The following DRC1 variants were observed in gnomAD, a reference collection of about 807,000 sequenced individuals.
DRC1 encodes dynein regulatory complex protein 1.
A neutral mutation model predicts 98.7 loss-of-function variants in DRC1; 74 were observed. That is an observed-to-expected ratio of 0.75 (90% CI 0.62 to 0.91). DRC1 has a LOEUF of 0.91. Ranked by LOEUF, DRC1 falls within the 40% of genes least tolerant of loss-of-function variation. The pLI, the probability that DRC1 is intolerant of heterozygous loss-of-function variation, is 0.00. For synonymous variants in DRC1, 336 were observed against 334.1 expected (o/e 1.01, Z -0.06); for missense variants, 875 against 886.0 (o/e 0.99, Z 0.16).
chr2:26,421,417 T>C lies in DRC1; in HGVS notation c.356+17T>C. 6.2e-7 allele frequency: 1 copy of C among 1,606,564 alleles called. No homozygotes were observed. The highest frequency in any genetic ancestry group is 8.5e-7 in the Non-Finnish European group (1 of 1,174,460). ...GCGTCAAAGGTAAGGACTGTGCTAC[T>C]CTGCAGCTGGTGGACATGAAGGTAA... is the stretch of plus-strand genomic sequence containing the variant. On this transcript the variant is annotated intron_variant, in intron 3 of 16. Coordinates refer to ENST00000288710, the MANE Select transcript of DRC1 (RefSeq NM_145038.5).
At chr2:26,427,111 CATTTA>C (rs891488428) in intron 4 of DRC1, among the ~76,000 whole-genome samples, 1 of 151,822 alleles carries the variant, frequency 6.6e-6, no homozygotes, top group Non-Finnish European at 1.5e-5. Flanking sequence ...ATTTTTTAAA[CATTTA>C]ATTTAATTTA....
intron 13 of DRC1, 87 bp downstream of exon 13, chr2:26,450,768 T>C (rs1159250132): frequency 5.7e-5 from 68 of 1,186,992 alleles, no homozygotes; most frequent in Middle Eastern, 3.1e-4. Flanking sequence ...CTGGGTTACA[T>C]GTGCAGAACA....
chr2:26,456,399 A>G, intron 16 of DRC1, 62 bp from the exon 17 acceptor site: 10 of 1,608,144 alleles, frequency 6.2e-6, no homozygotes. Context: ...CGTGGCTCGC[A>G]AGGGTGGCAA....
chr2:26,406,310 G>A (rs752532433), intron 1 of DRC1, among the ~76,000 whole-genome samples: 1 of 152,192 alleles, frequency 6.6e-6, no homozygotes. Flanking sequence ...TATAGGCAGT[G>A]CACCCACCCC....
intron 2 of DRC1, 122 bp downstream of exon 2, chr2:26,414,553 T>C (rs1341219125): frequency 8.3e-6 from 7 of 844,710 alleles, no homozygotes; most frequent in Admixed American, 2.7e-5. Flanking sequence ...CAGAACTGAA[T>C]AGAATCTTTC....
intron 16 of DRC1, 34 bp downstream of exon 16, chr2:26,455,267 G>GGAGACAC: frequency 6.3e-7 from 1 of 1,598,882 alleles, no homozygotes; most frequent in Non-Finnish European, 8.6e-7. Context: ...AGGGGCAGCG[G>GGAGACAC]GAGACACGGG....
intron 7 of DRC1, among the ~76,000 whole-genome samples, chr2:26,436,791 G>A (rs1663583944): frequency 6.6e-6 from 1 of 152,176 alleles, no homozygotes; most frequent in Admixed American, 6.5e-5. Flanking sequence ...ATTATTGCAA[G>A]GCCAGGAGAA....
At chr2:26,419,933 T>C (rs1272869120) in intron 2 of DRC1, among the ~76,000 whole-genome samples, 18 of 152,214 alleles carry the variant, frequency 1.2e-4, no homozygotes, top group Admixed American at 1.2e-3. Flanking sequence ...AATCTTTTCC[T>C]GCCTTAGAAT....
chr2:26,455,214 A>G lies in DRC1; in HGVS notation c.2147A>G (p.Gln716Arg). Residue 716 changes from glutamine (Q) to arginine (R), a missense_variant, in exon 16 of 17, where the codon CAG becomes CGG. Physicochemically the swap from Gln to Arg is conservative, Grantham distance 43 (BLOSUM62 1). Transcript: ENST00000288710. ...QQNTELQALL[Q>R]QYLNSKINSE... ...AACACAGAGCTGCAGGCGCTACTGC[A>G]GCAGTATCTGAACTCCAAGGTGGGC... 6.2e-7 allele frequency: 1 copy of G among 1,613,758 alleles called. No homozygotes were observed. Among genetic ancestry groups the G allele is most frequent in the Non-Finnish European group, 8.5e-7 (1 of 1,179,988 alleles).
At chr2:26,442,136 G>T (rs190933324) in intron 8 of DRC1, among the ~76,000 whole-genome samples, 1 of 152,288 alleles carries the variant, frequency 6.6e-6, no homozygotes, top group East Asian at 1.9e-4. Flanking sequence ...AGAGCAAGCT[G>T]GCCTAAGGCT....
intron 8 of DRC1, among the ~76,000 whole-genome samples, chr2:26,441,543 G>A (rs1663718071): frequency 6.6e-6 from 1 of 151,970 alleles, no homozygotes; most frequent in Non-Finnish European, 1.5e-5. Context: ...ATACAGTGAG[G>A]AGGCACCTGG....
At chr2:26,441,459 C>T (rs11126483) in intron 8 of DRC1, among the ~76,000 whole-genome samples, 108,015 of 151,886 alleles carry the variant, frequency 0.71, 42,338 homozygotes, top group Non-Finnish European at 0.89. Context: ...AGACAGGGGA[C>T]AATATTTATG....
intron 1 of DRC1, among the ~76,000 whole-genome samples, chr2:26,408,041 T>A (rs1229215148): frequency 6.6e-6 from 1 of 152,204 alleles, no homozygotes; most frequent in Non-Finnish European, 1.5e-5. Context: ...TGCTTCTCAG[T>A]CTCAGTTGAA....
Position 26,448,528 on chromosome 2 carries a change from T to A in DRC1, c.1397-163T>A, listed in dbSNP as rs974793776. Reference sequence around the variant, plus strand: ...CCCCCTAGCCCGCCTTCCCGCCACGTAATAGGCTTTTTTCATCATAAAGAG... The same window carrying A: ...CCCCCTAGCCCGCCTTCCCGCCACGAAATAGGCTTTTTTCATCATAAAGAG... On this transcript the variant is annotated intron_variant, in intron 10 of 16. Coordinates refer to ENST00000288710, the MANE Select transcript of DRC1 (RefSeq NM_145038.5). 5.5e-5 allele frequency: 43 copies of A among 788,294 alleles called. 1 individual carries two copies. In the Admixed American group the frequency reaches 8.7e-4, roughly 16 times the overall value. The allele number at this position is 788,294 out of a possible 1,614,324, so 48.8% of individuals were successfully genotyped here. A position where few individuals can be genotyped will look rare whatever the true frequency, so the allele number is the denominator to read the frequency against.
rs377145755 is a variant in DRC1 at position 26,444,802 on chromosome 2, T to C, written c.1250T>C (p.Phe417Ser). 3.1e-6 allele frequency: 5 copies of C among 1,614,192 alleles called. No homozygotes were observed. Among genetic ancestry groups the C allele is most frequent in the Non-Finnish European group, 4.2e-6 (5 of 1,180,038 alleles). ...EEAKDLIARA[F>S]DVDRIIHTHH... ...GCGAAGGACCTAATAGCCAGAGCCT[T>C]TGATGTGGACAGGATCATCCACACC... is the stretch of plus-strand genomic sequence containing the variant. The change falls in exon 10 of 17, where the codon TTT becomes TCT. Residue 417 changes from phenylalanine (F) to serine (S), a missense_variant. Physicochemically the swap from Phe to Ser is radical, Grantham distance 155. Transcript: ENST00000288710.
chr2:26,429,758 A>C lies in DRC1; in HGVS notation c.671A>C (p.Asn224Thr), dbSNP rs1663384079. The C allele has an allele frequency of 1.2e-6, 2 of 1,614,096 alleles. No individual in the cohort carries two copies. Among genetic ancestry groups the C allele is most frequent in the Non-Finnish European group, 1.7e-6 (2 of 1,179,988 alleles). ...VMKTFREELYNIEKAFEVERQ... is the reference protein window; with the variant it reads ...VMKTFREELYTIEKAFEVERQ... The stretch of plus-strand genomic sequence containing the variant: ...AAAACCTTTCGTGAGGAGCTCTATA[A>C]CATTGAGGTAACAGGGTGTGAAAAG... The change falls in exon 5 of 17, where the codon AAC becomes ACC. Residue 224 changes from asparagine (N) to threonine (T), a missense_variant. Transcript: ENST00000288710.
In DRC1 at chr2:26,440,481, C is replaced by T. The variant is rs143181834; in HGVS notation, c.992C>T (p.Thr331Ile). 4.2e-3 allele frequency: 6,747 copies of T among 1,612,912 alleles called. 36 individuals carry two copies. The highest frequency in any genetic ancestry group is 0.019 in the African/African-American group (1,449 of 74,924). Residue 331 changes from threonine to isoleucine, a missense_variant, in exon 8 of 17, where the codon ACA (threonine) becomes ATA (isoleucine). By Grantham distance (89) the Thr-to-Ile change is moderately conservative. Transcript: ENST00000288710. ...QVLKKRDEESTVIKSQQKRKI... is the reference protein window; with the variant it reads ...QVLKKRDEESIVIKSQQKRKI... The stretch of plus-strand genomic sequence containing the variant: ...CTGAAGAAGAGAGATGAAGAAAGCA[C>T]AGTAATTAAATCCCAGCAGAAGAGG...
At chr2:26,421,094 C>T in intron 2 of DRC1, 194 bp from the exon 3 acceptor site, 1 of 438,334 alleles carries the variant, frequency 2.3e-6, no homozygotes, top group Admixed American at 3.5e-5. Context: ...AAATTGTGAG[C>T]TGTAAAATCA....
intron 11 of DRC1, 41 bp downstream of exon 11, chr2:26,448,844 G>T (rs764203443): frequency 7.6e-5 from 121 of 1,599,986 alleles, no homozygotes; most frequent in Non-Finnish European, 1.0e-4. Flanking sequence ...ACTCACGGGG[G>T]TGTGCAGGTT....
Sources: gnomAD v4.1 joint callset for allele counts (sites outside exome capture counted in the v4.1 genomes callset) on GRCh38, gnomAD v4.1.1 for gene constraint, MANE v1.5 for transcripts, NCBI Gene and HGNC (gene_info 2026-07-23, HGNC 2026-07-21) for gene names.